The following USP50 variants were observed in gnomAD, a reference collection of about 807,000 sequenced individuals.
The protein encoded by USP50 is ubiquitin carboxyl-terminal hydrolase 50.
In USP50, 37 loss-of-function variants were observed where a neutral mutation model predicts 39.2. The observed-to-expected ratio is 0.94, with a 90% CI of 0.73 to 1.24. USP50 has a LOEUF of 1.24. USP50 is among the 50% of genes most tolerant of loss of function. The probability of loss-of-function intolerance (pLI) is 0.00; values close to 1 mark genes in which losing one functional copy is unlikely to be tolerated. For synonymous variants in USP50, 139 were observed against 144.5 expected, an observed-to-expected ratio of 0.96 and a Z score of 0.27; for missense variants, 374 against 398.2, an observed-to-expected ratio of 0.94 and a Z score of 0.52.
At chr15:50,546,137 A>G (rs758056163) in intron 1 of USP50, among the ~76,000 whole-genome samples, 2 of 151,746 alleles carry the variant, frequency 1.3e-5, no homozygotes, top group Non-Finnish European at 1.5e-5. Context: ...CTTTCCATAT[A>G]TTGTATCTAA....
intron 5 of USP50, among the ~76,000 whole-genome samples, chr15:50,535,097 C>G (rs2052969252): frequency 6.6e-6 from 1 of 151,978 alleles, no homozygotes; most frequent in African/African-American, 2.4e-5. Context: ...CAAGACGGCA[C>G]CACTGCACTC....
At chr15:50,496,144 A>C, downstream of USP50, 1 of 1,339,274 alleles carries the variant, frequency 7.5e-7, no homozygotes, top group South Asian at 1.4e-5. Flanking sequence ...TTTTATGGAT[A>C]TAGAGATGTA....
chr15:50,494,482 G>A (rs923307394), intron 1 of USP50, among the ~76,000 whole-genome samples: 3 of 152,226 alleles, frequency 2.0e-5, no homozygotes, highest in Admixed American at 2.0e-4. Flanking sequence ...TTAACAAGCA[G>A]TATTGCTGAG....
intron 5 of USP50, among the ~76,000 whole-genome samples, chr15:50,534,556 AAC>A (rs1212811633): frequency 6.6e-6 from 1 of 152,194 alleles, no homozygotes; most frequent in Non-Finnish European, 1.5e-5. Flanking sequence ...CATTAATTAA[AAC>A]ACAGATTGTT....
chr15:50,525,570 ATGTATATG>A lies in USP50; in HGVS notation c.936+4219_936+4226del, dbSNP rs1373384217. Among the ~76,000 whole-genome samples the A allele has an allele frequency of 6.5e-4, 43 of 65,688 alleles. 1 individual carries two copies. The South Asian group carries it at 0.02, about 31-fold the overall frequency. The allele number at this position is 65,688 out of a possible 152,430, so 43.1% of individuals were successfully genotyped here. A position where few individuals can be genotyped will look rare whatever the true frequency, so the allele number is the denominator to read the frequency against. On this transcript the variant is annotated intron_variant, in intron 6 of 6. Transcript: ENST00000532404. ...TGTATATATGTGTATATATGTATAT[ATGTATATG>A]TATATATGTATATGTATATATGTAT... is the stretch of plus-strand genomic sequence containing the variant.
chr15:50,525,384 G>T (rs1345354088), intron 6 of USP50, among the ~76,000 whole-genome samples: 2 of 151,694 alleles, frequency 1.3e-5, no homozygotes, highest in Admixed American at 1.3e-4. Flanking sequence ...TTTCAAAATA[G>T]CTGAGCAAAT....
In USP50 at chr15:50,546,635, T is replaced by G; in HGVS notation, c.-110A>C. 8.5e-7 allele frequency: 1 copy of G among 1,176,840 alleles called. No homozygotes were observed. The highest frequency in any genetic ancestry group is 1.3e-6 in the Non-Finnish European group (1 of 797,712). 72.9% of individuals were successfully genotyped at this position (1,176,840 alleles called of 1,614,324 possible). The stretch of plus-strand genomic sequence containing the variant: ...CTGGCTTTTTGTTTTAAACAATTGA[T>G]ATGCTCCTCTCTCTTCCAGTAGCTG... On this transcript the variant is annotated 5_prime_UTR_variant, in exon 1 of 7. Coordinates refer to ENST00000532404, the MANE Select transcript of USP50 (RefSeq NM_203494.5).
chr15:50,535,421 T>C (rs761637893), intron 5 of USP50, among the ~76,000 whole-genome samples: 1 of 152,252 alleles, frequency 6.6e-6, no homozygotes, highest in African/African-American at 2.4e-5. Flanking sequence ...AAGGGTAAGT[T>C]AGACCTTCTG....
intron 2 of USP50, 40 bp downstream of exon 2, chr15:50,544,547 G>A (rs1351419309): frequency 5.7e-6 from 9 of 1,570,182 alleles, no homozygotes; most frequent in Non-Finnish European, 6.9e-6. Context: ...TGGGGAAGTG[G>A]GGGTGGGGGC....
intron 6 of USP50, among the ~76,000 whole-genome samples, chr15:50,518,550 TG>T (rs1372488684): frequency 6.6e-6 from 1 of 151,602 alleles, no homozygotes; most frequent in Non-Finnish European, 1.5e-5. Context: ...GAACATACCA[TG>T]GGGAAAGGAC....
chr15:50,494,386 G>A (rs2052292244), intron 1 of USP50: 2 of 927,750 alleles, frequency 2.2e-6, no homozygotes, highest in South Asian at 1.8e-5. Context: ...TTCAGTGCTT[G>A]TTTATTCAAA....
chr15:50,518,111 A>G (rs776010063), intron 6 of USP50, among the ~76,000 whole-genome samples: 1 of 152,232 alleles, frequency 6.6e-6, no homozygotes, highest in Non-Finnish European at 1.5e-5. Context: ...ATAGTAACCA[A>G]AACAGTATGG....
chr15:50,525,670 GTA>G (rs1167798184), intron 6 of USP50, among the ~76,000 whole-genome samples: 6 of 92,518 alleles, frequency 6.5e-5, no homozygotes, highest in African/African-American at 2.0e-4. Context: ...ATATGTATAT[GTA>G]TATATGTATA....
At chr15:50,518,203 ATTTTTC>A (rs2052818176) in intron 6 of USP50, among the ~76,000 whole-genome samples, 3 of 148,828 alleles carry the variant, frequency 2.0e-5, no homozygotes, top group African/African-American at 7.4e-5. Context: ...CAGCCAACTG[ATTTTTC>A]TTTCTTTTTC....
intron 1 of USP50, among the ~76,000 whole-genome samples, chr15:50,495,366 A>C (rs1162265654): frequency 1.3e-5 from 2 of 151,130 alleles, no homozygotes; most frequent in Non-Finnish European, 2.9e-5. Flanking sequence ...ATATAGAGAG[A>C]GAGAGGCTAG....
At chr15:50,510,870 G>T (rs1436310557) in intron 6 of USP50, 1 of 152,032 alleles carries the variant, frequency 6.6e-6, no homozygotes, top group Non-Finnish European at 1.5e-5. Flanking sequence ...TCCGCCTCCT[G>T]GGTTCACGCC....
At chr15:50,543,871 G>T in intron 2 of USP50, 78 bp from the exon 3 acceptor site, 1 of 1,406,046 alleles carries the variant, frequency 7.1e-7, no homozygotes, top group East Asian at 2.5e-5. Context: ...TAGGAAATTA[G>T]TCTCAAAATG....
intron 6 of USP50, among the ~76,000 whole-genome samples, chr15:50,520,202 G>A (rs1266502790): frequency 1.3e-5 from 2 of 152,058 alleles, no homozygotes; most frequent in African/African-American, 4.8e-5. Context: ...CTAGCTACTC[G>A]GGAAGCTGAG....
intron 6 of USP50, chr15:50,503,880 G>C (rs1566900231): frequency 6.6e-6 from 1 of 152,040 alleles, no homozygotes; most frequent in Non-Finnish European, 1.5e-5. Flanking sequence ...GAGTCAGAAG[G>C]CAATAAGATT....
Sources: gnomAD v4.1 joint callset for allele counts (sites outside exome capture counted in the v4.1 genomes callset) on GRCh38, gnomAD v4.1.1 for gene constraint, MANE v1.5 for transcripts, NCBI Gene and HGNC (gene_info 2026-07-23, HGNC 2026-07-21) for gene names.